The following DACH1 variants were observed in gnomAD, a reference collection of about 807,000 sequenced individuals.
DACH1 encodes dachshund homolog 1.
DACH1 carries 12 observed loss-of-function variants against 54.2 expected under a neutral mutation model. The ratio of observed to expected loss-of-function variants is 0.22; its 90% CI spans 0.14 to 0.36. The LOEUF is 0.36. Ranked by LOEUF, DACH1 falls within the 10% of genes least tolerant of loss-of-function variation. The pLI, the probability that DACH1 is intolerant of heterozygous loss-of-function variation, is 1.00. For synonymous variants in DACH1, 386 were observed against 366.2 expected (o/e 1.05, Z -0.62); for missense variants, 805 against 929.8 (o/e 0.87, Z 1.75).
chr13:71,592,653 C>G (rs578230392), intron 3 of DACH1, among the ~76,000 whole-genome samples: 2 of 151,410 alleles, frequency 1.3e-5, no homozygotes, highest in African/African-American at 4.9e-5. Context: ...ATTTCAATAC[C>G]GAAAAATAGC....
chr13:71,866,789 C>A lies in DACH1; in HGVS notation c.-20G>T. 7.6e-7 allele frequency: 1 copy of A among 1,316,776 alleles called. No homozygotes were observed. The highest frequency in any genetic ancestry group is 9.8e-7 in the Non-Finnish European group (1 of 1,025,562). The allele number at this position is 1,316,776 out of a possible 1,614,324, so 81.6% of individuals were successfully genotyped here. A position where few individuals can be genotyped will look rare whatever the true frequency, so the allele number is the denominator to read the frequency against. On this transcript the variant is annotated 5_prime_UTR_variant, in exon 1 of 11. Transcript: ENST00000613252. ...TGCCATGGTCACATATAAGGGGAAA[C>A]AGACGGAGGAGAAGCGAGAGGAAAA...
intron 1 of DACH1, among the ~76,000 whole-genome samples, chr13:71,838,348 T>C (rs1888878743): frequency 6.6e-6 from 1 of 152,178 alleles, no homozygotes; most frequent in Admixed American, 6.6e-5. Context: ...AACACATTAT[T>C]CTCCAGTAGA....
At chr13:71,645,203 A>G (rs1254776536) in intron 2 of DACH1, among the ~76,000 whole-genome samples, 2 of 152,190 alleles carry the variant, frequency 1.3e-5, no homozygotes, top group East Asian at 3.9e-4. Flanking sequence ...AGAGCAATTG[A>G]TAAACATGAT....
At chr13:71,653,809 C>T (rs903888474) in intron 2 of DACH1, among the ~76,000 whole-genome samples, 1 of 152,030 alleles carries the variant, frequency 6.6e-6, no homozygotes, top group Non-Finnish European at 1.5e-5. Context: ...GAACTGATTA[C>T]AGTAACTTTC....
intron 3 of DACH1, among the ~76,000 whole-genome samples, chr13:71,576,668 A>C (rs1885545776): frequency 6.6e-6 from 1 of 152,090 alleles, no homozygotes; most frequent in Admixed American, 6.6e-5. Context: ...GTTTTCCTCT[A>C]ATTACTGCCT....
intron 1 of DACH1, among the ~76,000 whole-genome samples, chr13:71,839,235 G>A (rs1888922144): frequency 6.6e-6 from 1 of 152,148 alleles, no homozygotes; most frequent in African/African-American, 2.4e-5. Flanking sequence ...GAAAAAATCA[G>A]TGCTTTTAAT....
At chr13:71,483,885 T>C (rs1038336963) in intron 7 of DACH1, among the ~76,000 whole-genome samples, 1 of 152,138 alleles carries the variant, frequency 6.6e-6, no homozygotes, top group Non-Finnish European at 1.5e-5. Context: ...AGCAATAGGG[T>C]ATACTGTATA....
chr13:71,600,483 T>C (rs1413406775), intron 3 of DACH1, among the ~76,000 whole-genome samples: 2 of 152,056 alleles, frequency 1.3e-5, no homozygotes, highest in African/African-American at 4.8e-5. Flanking sequence ...ACAATGATTA[T>C]ATGTTATATC....
intron 1 of DACH1, among the ~76,000 whole-genome samples, chr13:71,816,582 GTATATATA>G (rs1327765083): frequency 7.2e-6 from 1 of 138,360 alleles, no homozygotes; most frequent in African/African-American, 3.0e-5. Context: ...ATATATACAC[GTATATATA>G]TACACACATA....
chr13:71,736,988 C>A (rs555804839), intron 1 of DACH1, among the ~76,000 whole-genome samples: 2 of 152,260 alleles, frequency 1.3e-5, no homozygotes, highest in East Asian at 1.9e-4. Context: ...TGGTGGCTCA[C>A]GCCTATAATC....
chr13:71,716,365 A>G (rs1348687398), intron 1 of DACH1, among the ~76,000 whole-genome samples: 1 of 152,122 alleles, frequency 6.6e-6, no homozygotes, highest in Admixed American at 6.6e-5. Context: ...CAAATTTCTT[A>G]TCATAGCATA....
chr13:71,472,096 G>T (rs9529901), intron 10 of DACH1, among the ~76,000 whole-genome samples: 1 of 152,078 alleles, frequency 6.6e-6, no homozygotes, highest in Non-Finnish European at 1.5e-5. Flanking sequence ...AGGCATAAGA[G>T]AGTTAATGGC....
chr13:71,607,197 T>C (rs939009287), intron 3 of DACH1, among the ~76,000 whole-genome samples: 3 of 152,056 alleles, frequency 2.0e-5, no homozygotes, highest in Admixed American at 6.6e-5. Flanking sequence ...GGCTACATTT[T>C]ATATTTGTAA....
intron 4 of DACH1, among the ~76,000 whole-genome samples, chr13:71,561,596 G>A (rs1439051211): frequency 1.3e-5 from 2 of 152,104 alleles, no homozygotes; most frequent in African/African-American, 4.8e-5. Context: ...TCCTGATTTT[G>A]AACTTCTAGA....
At chr13:71,602,102 C>T (rs1236820414) in intron 3 of DACH1, among the ~76,000 whole-genome samples, 1 of 151,960 alleles carries the variant, frequency 6.6e-6, no homozygotes, top group Admixed American at 6.6e-5. Flanking sequence ...CAGCTGGCTA[C>T]ATTGAGCTAA....
At chr13:71,614,328 T>C (rs1875587927) in intron 3 of DACH1, among the ~76,000 whole-genome samples, 1 of 152,148 alleles carries the variant, frequency 6.6e-6, no homozygotes, top group African/African-American at 2.4e-5. Context: ...CCAATAAATA[T>C]TATTATTCTG....
chr13:71,791,900 A>T (rs1886847311), intron 1 of DACH1, among the ~76,000 whole-genome samples: 1 of 152,162 alleles, frequency 6.6e-6, no homozygotes, highest in African/African-American at 2.4e-5. Flanking sequence ...GGTTGGTATT[A>T]TTAAAGTCTA....
intron 4 of DACH1, among the ~76,000 whole-genome samples, chr13:71,561,339 T>A (rs1884569615): frequency 6.6e-6 from 1 of 152,102 alleles, no homozygotes; most frequent in South Asian, 2.1e-4. Context: ...GAAAACTGAG[T>A]CTTTGCAGAC....
chr13:71,862,757 C>A (rs981724906), intron 1 of DACH1, among the ~76,000 whole-genome samples: 3 of 151,996 alleles, frequency 2.0e-5, no homozygotes, highest in African/African-American at 7.2e-5. Context: ...AGTTTATGAA[C>A]CTTACTTTTC....
Sources: allele counts gnomAD v4.1 joint callset (sites outside exome capture counted in the v4.1 genomes callset), GRCh38; gene constraint gnomAD v4.1.1; transcripts MANE v1.5; gene names NCBI Gene and HGNC (gene_info 2026-07-23, HGNC 2026-07-21).